LCOR: variants seen among roughly 807,000 people sequenced by gnomAD.
LCOR encodes ligand dependent nuclear receptor corepressor, also known as ligand-dependent corepressor.
A neutral mutation model predicts 64.4 loss-of-function variants in LCOR; 14 were observed. The ratio of observed to expected loss-of-function variants is 0.22; its 90% CI spans 0.14 to 0.34. The LOEUF (loss-of-function observed/expected upper bound fraction) is 0.34. Among genes scored for constraint, LCOR ranks in the 10% least tolerant of loss-of-function variants. The pLI is 1.00. For missense variants in LCOR, 1,686 were observed against 1,765.3 expected (o/e 0.96, Z 0.80); for synonymous variants, 643 against 642.5 (o/e 1.00, Z -0.01).
chr10:96,934,494 G>C (rs1272352137), intron 4 of LCOR, among the ~76,000 whole-genome samples: 3 of 152,170 alleles, frequency 2.0e-5, no homozygotes, highest in Non-Finnish European at 4.4e-5. Context: ...TTATATAACA[G>C]AGCCACTTCT....
At position 96,983,419 on chromosome 10, in the gene LCOR, G is replaced by A. The variant is rs752493286; in HGVS notation, c.2959G>A (p.Val987Met). ...GCCAGGGCATATTCCCACACAGCAT[G>A]TGGAGGAGGCTGTGAATGAGGTAGA... ...EEPGHIPTQH[V>M]EEAVNEVDNE... The change falls in exon 8 of 8, where the codon GTG becomes ATG. Residue 987 changes from valine to methionine, a missense_variant. This residue lies in a region of LCOR where 1,293 missense variants were observed against 1,410.4 expected (regional missense o/e 0.92). Coordinates refer to ENST00000421806, the MANE Select transcript of LCOR (RefSeq NM_001346516.2). The surrounding 1 kb of genome is among the most constrained non-coding windows in gnomAD (Gnocchi z 4.5). The A allele has an allele frequency of 1.9e-6, 3 of 1,614,208 alleles. No homozygotes were observed. Among genetic ancestry groups the A allele is most frequent in the South Asian group, 1.1e-5 (1 of 91,088 alleles).
At chr10:96,908,006 T>A (rs1194462972) in intron 4 of LCOR, 1 of 152,202 alleles carries the variant, frequency 6.6e-6, no homozygotes, top group African/African-American at 2.4e-5. Flanking sequence ...TGTTTTTTTT[T>A]TATTTTGAGA....
At chr10:96,832,914 A>ACGCGCGGCGGGCTGCAGGCGGG in intron 1 of LCOR, 2 of 878,978 alleles carry the variant, frequency 2.3e-6, no homozygotes, top group Non-Finnish European at 2.7e-6. Context: ...GTCTGCGTGC[A>ACGCGCGGCGGGCTGCAGGCGGG]CGCGCGGCGG....
At chr10:96,921,289 T>C (rs1847077116) in intron 4 of LCOR, among the ~76,000 whole-genome samples, 1 of 152,196 alleles carries the variant, frequency 6.6e-6, no homozygotes, top group African/African-American at 2.4e-5. Context: ...GTCTGTTCTT[T>C]TGGAGTTGTA....
chr10:96,851,452 T>C (rs550614733), intron 2 of LCOR, among the ~76,000 whole-genome samples: 156 of 152,298 alleles, frequency 1.0e-3, no homozygotes, highest in African/African-American at 3.5e-3. Context: ...TGAATCAAGA[T>C]GATTGTGATT....
intron 2 of LCOR, among the ~76,000 whole-genome samples, chr10:96,849,160 G>A (rs960409367): frequency 2.4e-5 from 3 of 127,520 alleles, no homozygotes; most frequent in South Asian, 2.5e-4. Flanking sequence ...TGCAACCTCC[G>A]TTTCCTGGCT....
Position 96,982,651 on chromosome 10 carries a change from G to A in LCOR, c.2191G>A (p.Ala731Thr). Residue 731 changes from alanine (A) to threonine (T), a missense_variant, in exon 8 of 8, where the codon GCT becomes ACT. Ala to Thr is a moderately conservative substitution (Grantham distance 58). This residue lies in a region of LCOR where 1,293 missense variants were observed against 1,410.4 expected (regional missense o/e 0.92). Coordinates refer to ENST00000421806, the MANE Select transcript of LCOR (RefSeq NM_001346516.2). ...GKAEDNQSIS[A>T]EVESGDTQEL... Reference sequence around the variant, plus strand: ...GGCTGAGGACAACCAAAGCATCAGTGCTGAGGTTGAGTCTGGAGACACCCA... The same window carrying A: ...GGCTGAGGACAACCAAAGCATCAGTACTGAGGTTGAGTCTGGAGACACCCA... 3 of 1,614,176 alleles carry A rather than the reference G, an allele frequency of 1.9e-6. No individual in the cohort carries two copies. The highest frequency in any genetic ancestry group is 2.5e-6 in the Non-Finnish European group (3 of 1,180,040).
chr10:96,958,587 A>G, intron 7 of LCOR: 1 of 621,952 alleles, frequency 1.6e-6, no homozygotes, highest in Non-Finnish European at 2.9e-6. Flanking sequence ...ACCAAACTCT[A>G]AACTTTCTCA....
chr10:96,956,120 G>A (rs992532306), intron 7 of LCOR: 3 of 1,395,614 alleles, frequency 2.1e-6, no homozygotes, highest in Middle Eastern at 2.6e-4. Context: ...AGTATGGCTC[G>A]GAATATGTTT....
intron 2 of LCOR, among the ~76,000 whole-genome samples, chr10:96,859,487 T>C (rs1845854148): frequency 1.3e-5 from 2 of 151,956 alleles, no homozygotes; most frequent in Non-Finnish European, 2.9e-5. Flanking sequence ...GCTAGGATTA[T>C]AGGTGCGAGC....
At chr10:96,907,965 T>C (rs1280853704) in intron 4 of LCOR, 1 of 152,316 alleles carries the variant, frequency 6.6e-6, no homozygotes, top group Non-Finnish European at 1.5e-5. Context: ...TACCATGCAT[T>C]TATTGTTGTT....
At chr10:96,944,756 T>C (rs1847557610) in intron 5 of LCOR, among the ~76,000 whole-genome samples, 2 of 152,138 alleles carry the variant, frequency 1.3e-5, no homozygotes, top group African/African-American at 4.8e-5. Context: ...GTAAAACTTT[T>C]CCCCCTGCAT....
intron 2 of LCOR, among the ~76,000 whole-genome samples, chr10:96,877,592 T>C (rs1846189656): frequency 1.3e-5 from 2 of 149,854 alleles, no homozygotes; most frequent in South Asian, 4.2e-4. Flanking sequence ...CAACTCATTT[T>C]TCTGAATTTT....
At chr10:96,925,551 A>G (rs117140279) in intron 4 of LCOR, among the ~76,000 whole-genome samples, 87 of 152,322 alleles carry the variant, frequency 5.7e-4, no homozygotes, top group Non-Finnish European at 1.0e-3. Context: ...ATCATGAAGC[A>G]TACAATGCCA....
At chr10:96,847,465 G>A (rs1026406748) in intron 2 of LCOR, among the ~76,000 whole-genome samples, 4 of 151,718 alleles carry the variant, frequency 2.6e-5, no homozygotes, top group African/African-American at 9.7e-5. Flanking sequence ...TTGAGACAGA[G>A]TTTTGCTCTT....
At chr10:96,977,045 G>A (rs1297044592) in intron 7 of LCOR, among the ~76,000 whole-genome samples, 1 of 150,498 alleles carries the variant, frequency 6.6e-6, no homozygotes, top group African/African-American at 2.5e-5. Flanking sequence ...GTTCTTTGAT[G>A]CATTGAAAAG....
At position 96,993,929 on chromosome 10, in the gene LCOR, T is replaced by C. The variant is rs1589354996; in HGVS notation, c.*8795T>C. On this transcript the variant is annotated 3_prime_UTR_variant, in exon 8 of 8. Coordinates refer to ENST00000421806, the MANE Select transcript of LCOR (RefSeq NM_001346516.2). ...TTGGCCCTTGTCTCAGAGGATAGGGTGGGGGTAGAACAGCTCTTGCTAAGA... is the reference window on the plus strand; with the variant it reads ...TTGGCCCTTGTCTCAGAGGATAGGGCGGGGGTAGAACAGCTCTTGCTAAGA... The C allele has an allele frequency of 6.6e-6, 1 of 151,620 alleles. No homozygotes were observed. Among genetic ancestry groups the C allele is most frequent in the Non-Finnish European group, 1.5e-5 (1 of 67,906 alleles). 9.4% of individuals were successfully genotyped at this position (151,620 alleles called of 1,614,324 possible).
At chr10:96,899,387 A>C (rs1287523593) in intron 2 of LCOR, among the ~76,000 whole-genome samples, 1 of 152,268 alleles carries the variant, frequency 6.6e-6, no homozygotes, top group East Asian at 1.9e-4. Flanking sequence ...CTCTATGTAA[A>C]CACTTGATTA....
rs1355460978 is a variant in LCOR, at chr10:96,983,433, G to A, written c.2973G>A (p.Val991=). 1 of 1,614,092 alleles carries A rather than the reference G, an allele frequency of 6.2e-7. No individual in the cohort carries two copies. Among genetic ancestry groups the A allele is most frequent in the Non-Finnish European group, 8.5e-7 (1 of 1,180,058 alleles). ...HIPTQHVEEA[V]NEVDNENTQQ... The stretch of plus-strand genomic sequence containing the variant: ...CCACACAGCATGTGGAGGAGGCTGT[G>A]AATGAGGTAGACAACGAAAACACCC... The change falls in exon 8 of 8, where the codon GTG becomes GTA. Residue 991 remains valine, a synonymous_variant. Coordinates refer to ENST00000421806, the MANE Select transcript of LCOR (RefSeq NM_001346516.2). This position sits in a 1 kb window ranked among gnomAD's most constrained non-coding sequence, Gnocchi z 4.5.
Sources: allele counts gnomAD v4.1 joint callset (sites outside exome capture counted in the v4.1 genomes callset), GRCh38; gene constraint gnomAD v4.1.1; regional missense constraint gnomAD v4.1.1; non-coding constraint Gnocchi (gnomAD v3.1); transcripts MANE v1.5; gene names NCBI Gene and HGNC (gene_info 2026-07-23, HGNC 2026-07-21).